The following CCDC102B variants were observed in gnomAD, a reference collection of about 807,000 sequenced individuals.
CCDC102B encodes coiled-coil domain-containing protein 102B.
Under a neutral mutation model 57.4 loss-of-function variants are expected in CCDC102B, and 75 were observed. That is an observed-to-expected ratio of 1.31 (90% confidence interval 1.08 to 1.58). The LOEUF is 1.58. Among genes scored for constraint, CCDC102B ranks in the 40% most tolerant of loss-of-function variants. The pLI, the probability that CCDC102B is intolerant of heterozygous loss-of-function variation, is 0.00. For missense variants in CCDC102B, 636 were observed against 582.6 expected (o/e 1.09, Z -0.94); for synonymous variants, 206 against 201.9 (o/e 1.02, Z -0.17).
intron 6 of CCDC102B, among the ~76,000 whole-genome samples, chr18:69,000,853 T>C (rs778882948): frequency 6.6e-6 from 1 of 152,208 alleles, no homozygotes; most frequent in African/African-American, 2.4e-5. Flanking sequence ...TTTATATATA[T>C]AAATAGAATT....
At chr18:68,974,262 G>T (rs1016546252) in intron 6 of CCDC102B, among the ~76,000 whole-genome samples, 1 of 152,022 alleles carries the variant, frequency 6.6e-6, no homozygotes, top group East Asian at 1.9e-4. Flanking sequence ...TCTCTCTTCT[G>T]CCCTTCTGCC....
chr18:68,834,160 A>T (rs1353361725), intron 1 of CCDC102B, among the ~76,000 whole-genome samples: 1 of 152,122 alleles, frequency 6.6e-6, no homozygotes, highest in Non-Finnish European at 1.5e-5. Flanking sequence ...ATTTAGTCAG[A>T]TGTGAAAAAA....
chr18:68,727,410 A>G (rs2032646662), intron 2 of CCDC102B, among the ~76,000 whole-genome samples: 1 of 152,242 alleles, frequency 6.6e-6, no homozygotes, highest in Non-Finnish European at 1.5e-5. Context: ...ATAAAATTAT[A>G]TGAACTCCTG....
intron 4 of CCDC102B, chr18:68,859,111 C>T (rs2038619177): frequency 6.7e-6 from 1 of 150,356 alleles, no homozygotes; most frequent in South Asian, 2.1e-4. Context: ...AGATATAGAT[C>T]AATGGAACAG....
At chr18:68,919,608 A>T (rs1321148843) in intron 6 of CCDC102B, among the ~76,000 whole-genome samples, 1 of 152,122 alleles carries the variant, frequency 6.6e-6, no homozygotes, top group Non-Finnish European at 1.5e-5. Flanking sequence ...GAGTCCTCTT[A>T]TTCTTCTAGC....
intron 7 of CCDC102B, among the ~76,000 whole-genome samples, chr18:69,049,958 C>T (rs956475136): frequency 3.3e-5 from 5 of 152,058 alleles, no homozygotes; most frequent in Non-Finnish European, 5.9e-5. Context: ...TACAGGTGCC[C>T]GCCACCATGC....
At chr18:68,920,191 T>C (rs2041226163) in intron 6 of CCDC102B, among the ~76,000 whole-genome samples, 1 of 152,102 alleles carries the variant, frequency 6.6e-6, no homozygotes, top group African/African-American at 2.4e-5. Flanking sequence ...CATTTAGCTC[T>C]CACTTGTAAG....
At chr18:68,752,479 G>GA (rs72175132) in intron 2 of CCDC102B, among the ~76,000 whole-genome samples, 5,365 of 137,634 alleles carry the variant, frequency 0.039, 138 homozygotes, top group African/African-American at 0.083. Flanking sequence ...GAAAATGTCT[G>GA]AAAAAAAAAA....
chr18:68,876,262 G>T (rs183871849), intron 5 of CCDC102B, among the ~76,000 whole-genome samples: 9 of 152,264 alleles, frequency 5.9e-5, no homozygotes, highest in African/African-American at 2.2e-4. Flanking sequence ...TAACTCAATG[G>T]TGTGGGATGT....
chr18:68,883,531 T>G (rs2039767643), intron 5 of CCDC102B, among the ~76,000 whole-genome samples: 1 of 152,186 alleles, frequency 6.6e-6, no homozygotes, highest in Non-Finnish European at 1.5e-5. Flanking sequence ...CAACCCTAGA[T>G]CTCTCCCTTC....
intron 5 of CCDC102B, among the ~76,000 whole-genome samples, chr18:68,892,734 A>G (rs961127674): frequency 2.6e-5 from 4 of 152,230 alleles, no homozygotes; most frequent in African/African-American, 9.6e-5. Context: ...TTTGGATATT[A>G]CAAAACAGAC....
intron 2 of CCDC102B, among the ~76,000 whole-genome samples, chr18:68,768,842 G>A (rs2034547517): frequency 6.6e-6 from 1 of 152,118 alleles, no homozygotes; most frequent in Non-Finnish European, 1.5e-5. Context: ...TCAGGCTGAT[G>A]AGGGAAATAT....
At chr18:68,826,903 A>G (rs2036925048) in intron 1 of CCDC102B, among the ~76,000 whole-genome samples, 1 of 152,182 alleles carries the variant, frequency 6.6e-6, no homozygotes, top group South Asian at 2.1e-4. Flanking sequence ...TTTATATGCC[A>G]TAGTATTTAC....
At chr18:68,944,902 C>T (rs545128655) in intron 6 of CCDC102B, among the ~76,000 whole-genome samples, 1 of 151,998 alleles carries the variant, frequency 6.6e-6, no homozygotes, top group East Asian at 1.9e-4. Flanking sequence ...CCTCCATGCT[C>T]CTTTATAAAA....
At chr18:68,844,872 T>G (rs1253280005) in intron 3 of CCDC102B, among the ~76,000 whole-genome samples, 1 of 151,922 alleles carries the variant, frequency 6.6e-6, no homozygotes, top group Non-Finnish European at 1.5e-5. Context: ...CTGTGGTTAA[T>G]CTGGATTATA....
intron 3 of CCDC102B, chr18:68,839,133 A>C: frequency 1.7e-6 from 1 of 572,404 alleles, no homozygotes; most frequent in Non-Finnish European, 3.1e-6. Flanking sequence ...CATTCTTTTA[A>C]GTTGACTTTT....
chr18:69,019,500 G>GT (rs1555673105), intron 7 of CCDC102B, among the ~76,000 whole-genome samples: 1 of 136,094 alleles, frequency 7.3e-6, no homozygotes, highest in Non-Finnish European at 1.6e-5. Context: ...GAGTGGGATT[G>GT]TTTTTTATTT....
chr18:69,036,773 A>T (rs1201909656), intron 7 of CCDC102B, among the ~76,000 whole-genome samples: 3 of 152,084 alleles, frequency 2.0e-5, no homozygotes, highest in Non-Finnish European at 2.9e-5. Context: ...CCAAATTTCT[A>T]CATTGGGTAC....
At chr18:68,865,056 T>C (rs368797265) in intron 4 of CCDC102B, among the ~76,000 whole-genome samples, 9 of 152,162 alleles carry the variant, frequency 5.9e-5, no homozygotes, top group African/African-American at 1.7e-4. Context: ...CTTTGTTTTG[T>C]TTATGAGAGT....
Sources: allele counts gnomAD v4.1 joint callset (sites outside exome capture counted in the v4.1 genomes callset), GRCh38; gene constraint gnomAD v4.1.1; transcripts MANE v1.5; gene names NCBI Gene and HGNC (gene_info 2026-07-23, HGNC 2026-07-21).